The following LRRC37A2 variants were observed in gnomAD, a reference collection of about 807,000 sequenced individuals.
LRRC37A2 encodes leucine rich repeat containing 37 member A2, also known as leucine-rich repeat-containing protein 37A2.
A neutral mutation model predicts 68.8 loss-of-function variants in LRRC37A2; 9 were observed. The ratio of observed to expected loss-of-function variants is 0.13; its 90% confidence interval spans 0.08 to 0.23. LRRC37A2 has a LOEUF of 0.23. Ranked by LOEUF, LRRC37A2 falls within the 10% of genes least tolerant of loss-of-function variation. The pLI is 1.00. For missense variants in LRRC37A2, 168 were observed against 950.4 expected, an observed-to-expected ratio of 0.18 and a Z score of 10.82; for synonymous variants, 63 against 367.6, an observed-to-expected ratio of 0.17 and a Z score of 9.48.
At chr17:46,800,173 C>T in the LRRC37A2 span, among the ~76,000 whole-genome samples, 14 of 152,112 alleles carry the variant, frequency 9.2e-5, no homozygotes, top group Admixed American at 1.3e-4. Flanking sequence ...TGCAGTGGCG[C>T]GATCTCGGCT....
At chr17:46,768,847 G>T in the LRRC37A2 span, 3 of 1,593,680 alleles carry the variant, frequency 1.9e-6, no homozygotes, top group Non-Finnish European at 1.7e-6. The surrounding 1 kb of genome is among the most constrained non-coding windows in gnomAD (Gnocchi z 5.0). Context: ...CCCACGAGGG[G>T]GCACATCCAG....
the LRRC37A2 span, chr17:46,921,155 C>T: frequency 1.3e-5 from 2 of 152,172 alleles, no homozygotes; most frequent in African/African-American, 4.8e-5. Context: ...GGTTAGCACT[C>T]CCTTTGACAA....
At chr17:47,027,447 A>G in the LRRC37A2 span, 1 of 607,558 alleles carries the variant, frequency 1.6e-6, no homozygotes, top group Non-Finnish European at 3.0e-6. Context: ...AAACGTTTAG[A>G]GTTGAGATAA....
chr17:46,790,523 C>A, the LRRC37A2 span, among the ~76,000 whole-genome samples: 3 of 152,082 alleles, frequency 2.0e-5, no homozygotes, highest in African/African-American at 7.2e-5. Context: ...CACAGCCCCA[C>A]CCTGGGTCCA....
At chr17:46,409,893 G>A in the LRRC37A2 span, among the ~76,000 whole-genome samples, 3 of 107,794 alleles carry the variant, frequency 2.8e-5, no homozygotes, top group Non-Finnish European at 4.2e-5. Context: ...TACAACTGTT[G>A]ATGGATTCTG....
chr17:46,738,735 A>C, the LRRC37A2 span, among the ~76,000 whole-genome samples: 2 of 152,170 alleles, frequency 1.3e-5, no homozygotes, highest in Non-Finnish European at 2.9e-5. Context: ...TCCTTTTTCC[A>C]GTGTGCTGCT....
the LRRC37A2 span, among the ~76,000 whole-genome samples, chr17:46,740,788 A>G: frequency 1.3e-5 from 2 of 152,010 alleles, no homozygotes; most frequent in Non-Finnish European, 2.9e-5. Flanking sequence ...CAGCCCCACA[A>G]GTAGCTGGGA....
chr17:46,691,905 AC>A, the LRRC37A2 span, among the ~76,000 whole-genome samples: 9 of 151,104 alleles, frequency 6.0e-5, no homozygotes, highest in African/African-American at 2.2e-4. Context: ...GGCACCTGCC[AC>A]CACACCCAGC....
chr17:46,601,725 G>T, the LRRC37A2 span, among the ~76,000 whole-genome samples: 1 of 149,150 alleles, frequency 6.7e-6, no homozygotes, highest in Non-Finnish European at 1.5e-5. Flanking sequence ...AATTCTTTTT[G>T]TCCATATTTG....
At chr17:46,735,466 T>TAA in the LRRC37A2 span, among the ~76,000 whole-genome samples, 2 of 141,770 alleles carry the variant, frequency 1.4e-5, no homozygotes, top group East Asian at 2.0e-4. Flanking sequence ...ACTTGAGGTT[T>TAA]AAAAAAAAAA....
At chr17:46,773,996 G>A in the LRRC37A2 span, 1 of 1,535,232 alleles carries the variant, frequency 6.5e-7, no homozygotes, top group African/African-American at 1.4e-5. Context: ...AACCCTCCGG[G>A]GTAGGTGGAG....
the LRRC37A2 span, among the ~76,000 whole-genome samples, chr17:46,888,250 G>T: frequency 6.6e-6 from 1 of 152,272 alleles, no homozygotes; most frequent in East Asian, 1.9e-4. Flanking sequence ...GTCAGGTGGG[G>T]AGTTGGAGGG....
chr17:46,738,498 A>G, the LRRC37A2 span, among the ~76,000 whole-genome samples: 1 of 152,192 alleles, frequency 6.6e-6, no homozygotes, highest in East Asian at 1.9e-4. Flanking sequence ...TATGTTAATG[A>G]ATAAGGACCA....
chr17:46,832,408 GT>G, the LRRC37A2 span, among the ~76,000 whole-genome samples: 2 of 139,360 alleles, frequency 1.4e-5, no homozygotes, highest in African/African-American at 5.1e-5. Flanking sequence ...AGAGAGGGGG[GT>G]GGTGGAGGAG....
the LRRC37A2 span, among the ~76,000 whole-genome samples, chr17:46,873,131 C>T: frequency 7.0e-6 from 1 of 142,548 alleles, no homozygotes. Flanking sequence ...CACACACACA[C>T]ACGAAACAAG....
the LRRC37A2 span, among the ~76,000 whole-genome samples, chr17:46,999,471 C>T: frequency 6.6e-6 from 1 of 152,112 alleles, no homozygotes. Context: ...GCCTAAACCT[C>T]CCGAGTAGCT....
chr17:47,018,314 A>G, the LRRC37A2 span: 1 of 1,611,538 alleles, frequency 6.2e-7, no homozygotes, highest in Non-Finnish European at 8.5e-7. Context: ...GGGAGGTCGA[A>G]TCTTCTCTGA....
At chr17:46,818,555 C>G in the LRRC37A2 span, 3 of 1,609,012 alleles carry the variant, frequency 1.9e-6, no homozygotes, top group Non-Finnish European at 1.7e-6. Context: ...CTGGTGCCAC[C>G]GAGCAGGAGG....
the LRRC37A2 span, among the ~76,000 whole-genome samples, chr17:46,497,645 A>G: frequency 6.6e-6 from 1 of 150,450 alleles, no homozygotes; most frequent in African/African-American, 2.5e-5. Flanking sequence ...CAATGTATGT[A>G]GATATGTATC....
Sources: allele counts gnomAD v4.1 joint callset (sites outside exome capture counted in the v4.1 genomes callset), GRCh38; gene constraint gnomAD v4.1.1; non-coding constraint Gnocchi (gnomAD v3.1); transcripts MANE v1.5; gene names NCBI Gene and HGNC (gene_info 2026-07-23, HGNC 2026-07-21).